The following APH1B variants were observed in gnomAD, a reference collection of about 807,000 sequenced individuals.
The protein encoded by APH1B is gamma-secretase subunit APH-1B.
Under a neutral mutation model 28.2 loss-of-function variants are expected in APH1B, and 27 were observed. That is an observed-to-expected ratio of 0.96 (90% CI 0.70 to 1.32). The LOEUF (loss-of-function observed/expected upper bound fraction) is 1.32, where lower values mean the gene tolerates loss of function less well. Ranked by LOEUF, APH1B falls within the 40% of genes most tolerant of loss-of-function variation. The pLI, the probability that APH1B is intolerant of heterozygous loss-of-function variation, is 0.00. For synonymous variants in APH1B, 141 were observed against 124.6 expected, an observed-to-expected ratio of 1.13 and a Z score of -0.88; for missense variants, 305 against 313.6, an observed-to-expected ratio of 0.97 and a Z score of 0.21.
intron 4 of APH1B, among the ~76,000 whole-genome samples, chr15:63,293,697 T>C (rs11071739): frequency 0.71 from 107,669 of 151,968 alleles, 38,433 homozygotes; most frequent in East Asian, 0.88. Context: ...AGGGCTTCGC[T>C]ATGTTGGTCA....
At chr15:63,286,701 A>G (rs747351512) in intron 3 of APH1B, 73 bp downstream of exon 3, 170 of 1,364,198 alleles carry the variant, frequency 1.2e-4, no homozygotes, top group Non-Finnish European at 1.6e-4. Flanking sequence ...CATCTTTTGT[A>G]TCTTTGTAGA....
chr15:63,291,634 A>G (rs1457116478), intron 4 of APH1B: 1 of 152,248 alleles, frequency 6.6e-6, no homozygotes, highest in Admixed American at 6.5e-5. Flanking sequence ...CTGAGCTTGA[A>G]GAAAATAAAA....
In APH1B at chr15:63,308,312, T is replaced by C. The variant is rs539022764; in HGVS notation, c.*2531T>C. The C allele has an allele frequency of 1.2e-4, 18 of 152,320 alleles. No individual in the cohort carries two copies. The highest frequency in any genetic ancestry group is 3.6e-4 in the African/African-American group (15 of 41,572). 9.4% of individuals were successfully genotyped at this position (152,320 alleles called of 1,614,324 possible). A position where few individuals can be genotyped will look rare whatever the true frequency, so the allele number is the denominator to read the frequency against. ...GTGTTGCTCTCTAGTATAAGCTATA[T>C]TTATTTTTGATTCATTTGAATTACT... On this transcript the variant is annotated 3_prime_UTR_variant, in exon 6 of 6. Transcript: ENST00000261879.
chr15:63,281,515 A>C (rs2038387063), intron 2 of APH1B, among the ~76,000 whole-genome samples: 1 of 145,110 alleles, frequency 6.9e-6, no homozygotes, highest in Non-Finnish European at 1.5e-5. Context: ...ATGCATTTTC[A>C]TGCCATGGGT....
Position 63,299,864 on chromosome 15 carries a change from G to A in APH1B, c.479-2481G>A, listed in dbSNP as rs1181162747. ...GGTTTTATTCCCTGGCCAGAAAACGGAGAAGGTGAGCTCTTGTGCTAAATG... is the reference window on the plus strand; with the variant it reads ...GGTTTTATTCCCTGGCCAGAAAACGAAGAAGGTGAGCTCTTGTGCTAAATG... On this transcript the variant is annotated intron_variant, in intron 4 of 5. Transcript: ENST00000261879. Among the ~76,000 whole-genome samples the A allele has an allele frequency of 2.6e-5, 4 of 151,918 alleles. No individual in the cohort carries two copies. In the East Asian group the frequency reaches 7.7e-4, roughly 29 times the overall value.
chr15:63,303,874 A>ACAACACACACACAC (rs374335586), intron 5 of APH1B, among the ~76,000 whole-genome samples: 2 of 145,598 alleles, frequency 1.4e-5, no homozygotes, highest in African/African-American at 5.1e-5. Context: ...ACACACACAC[A>ACAACACACACACAC]ACACACACAC....
intron 1 of APH1B, chr15:63,278,157 G>C: frequency 2.6e-6 from 1 of 382,670 alleles, no homozygotes; most frequent in Non-Finnish European, 5.1e-6. Flanking sequence ...AATCACCTGT[G>C]GCCAGGTGCT....
At chr15:63,283,684 T>G (rs1046490004) in intron 2 of APH1B, among the ~76,000 whole-genome samples, 16 of 152,208 alleles carry the variant, frequency 1.1e-4, no homozygotes, top group Non-Finnish European at 1.9e-4. Context: ...CATCAAAGTT[T>G]TTAATTTTGG....
intron 2 of APH1B, among the ~76,000 whole-genome samples, chr15:63,280,144 TTAG>T (rs1748619006): frequency 6.6e-6 from 1 of 152,284 alleles, no homozygotes; most frequent in African/African-American, 2.4e-5. Flanking sequence ...TATTTTGACT[TTAG>T]TAGGGGAAAA....
intron 1 of APH1B, 24 bp from the exon 2 acceptor site, chr15:63,279,137 A>T: frequency 6.4e-7 from 1 of 1,559,664 alleles, no homozygotes; most frequent in Non-Finnish European, 8.7e-7. Context: ...GTTCACTTGT[A>T]ACTTTTTTTC....
chr15:63,294,109 A>ATT (rs34079708), intron 4 of APH1B, among the ~76,000 whole-genome samples: 60 of 147,596 alleles, frequency 4.1e-4, no homozygotes, highest in South Asian at 1.5e-3. Context: ...TTTCACAGAC[A>ATT]TTTTTTTTTT....
chr15:63,300,474 C>T (rs1426443863), intron 4 of APH1B, among the ~76,000 whole-genome samples: 1 of 151,154 alleles, frequency 6.6e-6, no homozygotes, highest in African/African-American at 2.4e-5. Flanking sequence ...CCATTTGTGT[C>T]AGTTTCTGTC....
chr15:63,280,396 CTG>C (rs1342827420), intron 2 of APH1B, among the ~76,000 whole-genome samples: 2 of 152,108 alleles, frequency 1.3e-5, no homozygotes, highest in Non-Finnish European at 2.9e-5. Flanking sequence ...GATAAATGTG[CTG>C]TCTTTTTTCA....
chr15:63,277,691 T>G lies in APH1B; in HGVS notation c.68T>G (p.Phe23Cys), dbSNP rs563968588. 8.7e-6 allele frequency: 14 copies of G among 1,611,594 alleles called. No individual in the cohort carries two copies. The Admixed American group carries it at 2.2e-4, about 25-fold the overall frequency. The change falls in exon 1 of 6, where the codon TTC (phenylalanine) becomes TGC (cysteine). Residue 23 changes from phenylalanine to cysteine, a missense_variant. Transcript: ENST00000261879. Reference protein sequence around the residue: ...AFGPALALYVFTIATEPLRII... With the variant: ...AFGPALALYVCTIATEPLRII... Reference sequence around the variant, plus strand: ...GGGCCTGCGCTCGCCCTTTATGTCTTCACCATCGCCACCGAGCCGTTGCGT... The same window carrying G: ...GGGCCTGCGCTCGCCCTTTATGTCTGCACCATCGCCACCGAGCCGTTGCGT...
At position 63,305,627 on chromosome 15, in the gene APH1B, CTTA is replaced by C. The variant is rs1162527886; in HGVS notation, c.625_627del (p.Tyr209del). On this transcript the variant is annotated inframe_deletion, in exon 6 of 6. Transcript: ENST00000261879. Reference sequence around the variant, plus strand: ...TTTCTTTTGCAGACCTTCATAAGTTCTTATTATGGAATAAACCTGGCGTCAGCA... The same window carrying C: ...TTTCTTTTGCAGACCTTCATAAGTTCTTATGGAATAAACCTGGCGTCAGCA... 5 of 1,614,080 alleles carry C rather than the reference CTTA, an allele frequency of 3.1e-6. No individual in the cohort carries two copies. The highest frequency in any genetic ancestry group is 4.2e-6 in the Non-Finnish European group (5 of 1,180,006).
rs1447797600 is a variant in APH1B at position 63,305,560 on chromosome 15, CAT to C, written c.607-53_607-52del. 12 of 1,579,624 alleles carry C rather than the reference CAT, an allele frequency of 7.6e-6. No homozygotes were observed. The East Asian group carries it at 2.2e-4, about 29-fold the overall frequency. Reference sequence around the variant, plus strand: ...CTTCCCTTTATCTTTGGTTATTCCACATGTTTAATAAGCTTGCTGTTATTACC... The same window carrying C: ...CTTCCCTTTATCTTTGGTTATTCCACGTTTAATAAGCTTGCTGTTATTACC... On this transcript the variant is annotated intron_variant, in intron 5 of 5. Transcript: ENST00000261879.
In APH1B at chr15:63,304,079, C is replaced by G. The variant is rs2038662797; in HGVS notation, c.607-1535C>G. Among the ~76,000 whole-genome samples, 1 of 152,256 alleles carries G rather than the reference C, an allele frequency of 6.6e-6. No homozygotes were observed. The highest frequency in any genetic ancestry group is 6.5e-5 in the Admixed American group (1 of 15,286). The stretch of plus-strand genomic sequence containing the variant: ...CTGCATTCTCTTTATTGTTAGTCGT[C>G]CTGCTGGCTATGTCATGGTATCATA... On this transcript the variant is annotated intron_variant, in intron 5 of 5. Transcript: ENST00000261879. This position sits in a 1 kb window ranked among gnomAD's most constrained non-coding sequence, Gnocchi z 5.1.
In APH1B at chr15:63,286,625, T is replaced by G. The variant is rs570555494; in HGVS notation, c.352T>G (p.Tyr118Asp). The G allele has an allele frequency of 1.9e-6, 3 of 1,604,928 alleles. No homozygotes were observed. The South Asian group carries it at 3.4e-5, about 18-fold the overall frequency. ...ETAPSMRLLAYVSGLGFGIMS... is the reference protein window; with the variant it reads ...ETAPSMRLLADVSGLGFGIMS... ...AGCACCCTCTATGCGACTGCTGGCC[T>G]ATGGTAAGTTAGAACCACATGGTTT... The change falls in exon 3 of 6, where the codon TAT (tyrosine) becomes GAT (aspartate). Residue 118 changes from tyrosine to aspartate, a missense_variant. Transcript: ENST00000261879.
In APH1B at chr15:63,308,837, A is replaced by C. The variant is rs551065381; in HGVS notation, c.*3056A>C. On this transcript the variant is annotated 3_prime_UTR_variant, in exon 6 of 6. Transcript: ENST00000261879. ...GGCTCCACCATTCCTAACTCCAGGT[A>C]GACAAGATAGATGTCACACACAACA... 3 of 152,368 alleles carry C rather than the reference A, an allele frequency of 2.0e-5. No individual in the cohort carries two copies. Among genetic ancestry groups the C allele is most frequent in the African/African-American group, 7.2e-5 (3 of 41,574 alleles). 9.4% of individuals were successfully genotyped at this position (152,368 alleles called of 1,614,324 possible). A position where few individuals can be genotyped will look rare whatever the true frequency, so the allele number is the denominator to read the frequency against.
Sources: gnomAD v4.1 joint callset for allele counts (sites outside exome capture counted in the v4.1 genomes callset) on GRCh38, gnomAD v4.1.1 for gene constraint, Gnocchi (gnomAD v3.1) non-coding constraint, MANE v1.5 for transcripts, NCBI Gene and HGNC (gene_info 2026-07-23, HGNC 2026-07-21) for gene names.